The following SASH1 variants were observed in gnomAD, a reference collection of about 807,000 sequenced individuals.
SASH1 encodes the protein SAM and SH3 domain containing 1.
SASH1 carries 44 observed loss-of-function variants against 125.2 expected under a neutral mutation model. That is an observed-to-expected ratio of 0.35 (90% CI 0.28 to 0.45). The LOEUF is 0.45. SASH1 is among the 20% of genes least tolerant of loss of function. The pLI is 1.00. For synonymous variants in SASH1, 639 were observed against 649.1 expected (o/e 0.98, Z 0.24); for missense variants, 1,426 against 1,614.5 (o/e 0.88, Z 2.00).
At chr6:148,307,354 G>T (rs376742948) in intron 1 of SASH1, among the ~76,000 whole-genome samples, 2 of 152,056 alleles carry the variant, frequency 1.3e-5, no homozygotes, top group East Asian at 3.9e-4. Context: ...CTGACCTCGT[G>T]ATCTGCCTGC....
chr6:148,398,594 T>C (rs1473656043), intron 2 of SASH1, among the ~76,000 whole-genome samples: 1 of 152,162 alleles, frequency 6.6e-6, no homozygotes, highest in Admixed American at 6.5e-5. Flanking sequence ...CTTATTCTTA[T>C]CCCCATAGGA....
intron 1 of SASH1, among the ~76,000 whole-genome samples, chr6:148,316,739 T>A (rs542748107): frequency 1.3e-5 from 2 of 152,346 alleles, no homozygotes; most frequent in Non-Finnish European, 2.9e-5. Context: ...TTATAAATGT[T>A]TTTCAGAGCA....
At position 148,322,929 on chromosome 6, in the gene SASH1, C is replaced by CTTT. The variant is rs1205474352; in HGVS notation, n.74+50553_74+50555dup. Among the ~76,000 whole-genome samples, 104 of 121,708 alleles carry CTTT rather than the reference C, an allele frequency of 8.5e-4. 1 individual carries two copies. The highest frequency in any genetic ancestry group is 2.7e-3 in the African/African-American group (92 of 33,644). 79.8% of individuals were successfully genotyped at this position (121,708 alleles called of 152,430 possible). Reference sequence around the variant, plus strand: ...CTCTTTCTTTCTTTTTTCTTTCTCTCTTTCTTTTCCTTCCTTCCTTCCTCC... The same window carrying CTTT: ...CTCTTTCTTTCTTTTTTCTTTCTCTCTTTTTTCTTTTCCTTCCTTCCTTCCTCC... On this transcript the variant is annotated intron_variant and non_coding_transcript_variant, in intron 1 of 3. Coordinates refer to the SASH1 transcript ENST00000367469.
chr6:148,403,398 C>T (rs957058377), intron 2 of SASH1, among the ~76,000 whole-genome samples: 8 of 152,034 alleles, frequency 5.3e-5, no homozygotes, highest in African/African-American at 1.9e-4. Context: ...AGCCACTGTG[C>T]CCAGCCAAAA....
chr6:148,376,173 C>A (rs1782883687), intron 1 of SASH1, among the ~76,000 whole-genome samples: 1 of 152,146 alleles, frequency 6.6e-6, no homozygotes, highest in Admixed American at 6.6e-5. Flanking sequence ...TTCAAGCAAT[C>A]CTCCCACCTC....
At chr6:148,439,594 T>C (rs2115001234) in intron 2 of SASH1, among the ~76,000 whole-genome samples, 1 of 152,064 alleles carries the variant, frequency 6.6e-6, no homozygotes, top group Admixed American at 6.5e-5. Context: ...CTGGCCAACA[T>C]AGTGAAATCC....
intron 1 of SASH1, among the ~76,000 whole-genome samples, chr6:148,346,242 T>G (rs1257922736): frequency 6.6e-6 from 1 of 152,230 alleles, no homozygotes; most frequent in African/African-American, 2.4e-5. Flanking sequence ...CCCAGAGTCA[T>G]GGATCTCAGT....
the SASH1 span, among the ~76,000 whole-genome samples, chr6:148,220,184 T>C: frequency 6.6e-6 from 1 of 152,190 alleles, no homozygotes; most frequent in African/African-American, 2.4e-5. Context: ...AGCTGGAAAG[T>C]GCAAGACCAG....
intron 8 of SASH1, among the ~76,000 whole-genome samples, chr6:148,488,656 C>A (rs1247034249): frequency 1.3e-5 from 2 of 152,224 alleles, no homozygotes; most frequent in Admixed American, 1.3e-4. Context: ...TTCTCATCAA[C>A]ACTTGTTGTT....
At chr6:148,229,258 A>C in the SASH1 span, among the ~76,000 whole-genome samples, 1 of 152,102 alleles carries the variant, frequency 6.6e-6, no homozygotes, top group African/African-American at 2.4e-5. Context: ...TTTCTGCCCA[A>C]GTACAGGATA....
Position 148,390,191 on chromosome 6 carries a change from A to G in SASH1, c.214A>G (p.Thr72Ala), listed in dbSNP as rs768802508. ...LAQQYADYYN[T>A]CFSDVCERME... Reference sequence around the variant, plus strand: ...GCAGCAGTATGCAGATTATTACAACACCTGTTTCTCCGACGTGTGCGAGAG... The same window carrying G: ...GCAGCAGTATGCAGATTATTACAACGCCTGTTTCTCCGACGTGTGCGAGAG... The change falls in exon 2 of 20, where the codon ACC becomes GCC. Residue 72 changes from threonine to alanine, a missense_variant. Transcript: ENST00000367467. 7.4e-6 allele frequency: 12 copies of G among 1,613,284 alleles called. No individual in the cohort carries two copies. Among genetic ancestry groups the G allele is most frequent in the Admixed American group, 1.7e-5 (1 of 59,966 alleles).
At chr6:148,332,407 T>C (rs1011654745) in intron 1 of SASH1, among the ~76,000 whole-genome samples, 1 of 152,184 alleles carries the variant, frequency 6.6e-6, no homozygotes, top group Non-Finnish European at 1.5e-5. Flanking sequence ...AATTGGACTA[T>C]TTATAATCTT....
At chr6:148,320,371 G>A (rs946234794) in intron 1 of SASH1, among the ~76,000 whole-genome samples, 1 of 152,218 alleles carries the variant, frequency 6.6e-6, no homozygotes, top group Non-Finnish European at 1.5e-5. Flanking sequence ...TAGCGGCACC[G>A]CTTCTGGCTG....
intron 4 of SASH1, among the ~76,000 whole-genome samples, chr6:148,464,817 G>A (rs1225174428): frequency 6.6e-6 from 1 of 152,084 alleles, no homozygotes; most frequent in African/African-American, 2.4e-5. Context: ...GGAGCCTCAC[G>A]CTTATGAAAC....
At chr6:148,484,367 T>G (rs1040906140) in intron 7 of SASH1, among the ~76,000 whole-genome samples, 3 of 152,198 alleles carry the variant, frequency 2.0e-5, no homozygotes, top group Non-Finnish European at 4.4e-5. Context: ...AATGTCATTA[T>G]TTTATAACTC....
intron 4 of SASH1, among the ~76,000 whole-genome samples, chr6:148,450,490 C>A (rs1777040597): frequency 6.6e-6 from 1 of 152,108 alleles, no homozygotes; most frequent in Non-Finnish European, 1.5e-5. Context: ...AGGACTGCTT[C>A]TCACTGAGTA....
chr6:148,513,269 G>T, intron 8 of SASH1: 2 of 985,440 alleles, frequency 2.0e-6, no homozygotes, highest in Non-Finnish European at 2.4e-6. Flanking sequence ...TCCATGAACT[G>T]GGTTGGAGGA....
chr6:148,493,912 T>C (rs968714831), intron 8 of SASH1, among the ~76,000 whole-genome samples: 1 of 152,236 alleles, frequency 6.6e-6, no homozygotes, highest in Admixed American at 6.5e-5. Context: ...ATTTTTCATT[T>C]TAATTTAGTT....
chr6:148,408,875 A>G (rs1438035237), intron 2 of SASH1, among the ~76,000 whole-genome samples: 2 of 152,190 alleles, frequency 1.3e-5, no homozygotes, highest in Non-Finnish European at 2.9e-5. Flanking sequence ...TATTTTCATT[A>G]TCTTGCAGTT....
Sources: allele counts gnomAD v4.1 joint callset (sites outside exome capture counted in the v4.1 genomes callset), GRCh38; gene constraint gnomAD v4.1.1; transcripts MANE v1.5; gene names NCBI Gene and HGNC (gene_info 2026-07-23, HGNC 2026-07-21).